SCP2: variants seen among roughly 807,000 people sequenced by gnomAD.
The protein encoded by SCP2 is sterol carrier protein 2.
SCP2 carries 48 observed loss-of-function variants against 71.4 expected under a neutral mutation model. That is an observed-to-expected ratio of 0.67 (90% confidence interval 0.53 to 0.86). The LOEUF is 0.86. Ranked by LOEUF, SCP2 falls within the 40% of genes least tolerant of loss-of-function variation. The pLI, the probability that SCP2 is intolerant of heterozygous loss-of-function variation, is 0.00. For synonymous variants in SCP2, 220 were observed against 218.1 expected (o/e 1.01, Z -0.08); for missense variants, 560 against 655.6 (o/e 0.85, Z 1.59).
intron 6 of SCP2, among the ~76,000 whole-genome samples, chr1:52,966,275 G>A (rs1226385391): frequency 4.6e-5 from 7 of 151,480 alleles, no homozygotes; most frequent in South Asian, 2.1e-4. Context: ...AAAAGTATCC[G>A]TCAGTGTCTA....
rs1193317969 is a variant in SCP2 at position 52,950,894 on chromosome 1, G to A, written c.331+8G>A. On this transcript the variant is annotated splice_region_variant and intron_variant, in intron 4 of 15. Coordinates refer to ENST00000371514, the MANE Select transcript of SCP2 (RefSeq NM_002979.5). ...GCCAGCTGATTCAGGGTGGTAAGGA[G>A]TGCTTGTCTAGTGTACTTAAATATT... 6.2e-7 allele frequency: 1 copy of A among 1,613,564 alleles called. No individual in the cohort carries two copies. Among genetic ancestry groups the A allele is most frequent in the Non-Finnish European group, 8.5e-7 (1 of 1,179,588 alleles).
intron 12 of SCP2, among the ~76,000 whole-genome samples, chr1:53,024,010 C>T (rs902794216): frequency 2.6e-5 from 4 of 152,128 alleles, no homozygotes; most frequent in South Asian, 2.1e-4. Flanking sequence ...TGAGTCTCCT[C>T]GTCCTGTCAC....
intron 12 of SCP2, among the ~76,000 whole-genome samples, chr1:53,027,574 G>A (rs72903137): frequency 6.6e-6 from 1 of 151,904 alleles, no homozygotes; most frequent in South Asian, 2.1e-4. Flanking sequence ...GTGCCATCTC[G>A]GCTCACTGCA....
chr1:53,030,345 G>A (rs934013911), intron 13 of SCP2, among the ~76,000 whole-genome samples: 2 of 152,060 alleles, frequency 1.3e-5, no homozygotes, highest in African/African-American at 4.8e-5. Context: ...TTTAAGCTAT[G>A]ATCAATTTAA....
intron 13 of SCP2, among the ~76,000 whole-genome samples, chr1:53,038,574 T>G (rs1178606487): frequency 6.6e-6 from 1 of 152,038 alleles, no homozygotes; most frequent in African/African-American, 2.4e-5. Context: ...CTGGCTAATT[T>G]TTTTATTTTT....
At chr1:52,943,721 A>G in intron 2 of SCP2, 1 of 457,000 alleles carries the variant, frequency 2.2e-6, no homozygotes, top group Non-Finnish European at 4.3e-6. Flanking sequence ...AATTTGTTGC[A>G]CCAGACGCTG....
intron 8 of SCP2, among the ~76,000 whole-genome samples, chr1:52,977,494 T>C (rs1658083297): frequency 6.6e-6 from 1 of 152,236 alleles, no homozygotes; most frequent in African/African-American, 2.4e-5. Context: ...AAGCTATCTT[T>C]TCCCAGTTTC....
chr1:53,028,897 T>C (rs1662322825), intron 13 of SCP2, among the ~76,000 whole-genome samples: 2 of 152,220 alleles, frequency 1.3e-5, no homozygotes, highest in South Asian at 4.2e-4. Context: ...TTCCTCTGCC[T>C]CCTGAGTAGC....
At chr1:52,987,200 G>A (rs1659081972) in intron 10 of SCP2, among the ~76,000 whole-genome samples, 2 of 151,598 alleles carry the variant, frequency 1.3e-5, no homozygotes, top group Admixed American at 1.3e-4. Context: ...CATCAGCCAT[G>A]GTGCCCTGCC....
chr1:52,967,288 T>C (rs543565795), intron 6 of SCP2, among the ~76,000 whole-genome samples: 1 of 152,196 alleles, frequency 6.6e-6, no homozygotes, highest in African/African-American at 2.4e-5. Flanking sequence ...CCTTGTGAGA[T>C]AATCTGGGCC....
At chr1:52,953,973 C>A (rs1463105232) in intron 4 of SCP2, among the ~76,000 whole-genome samples, 1 of 131,544 alleles carries the variant, frequency 7.6e-6, no homozygotes, top group South Asian at 2.6e-4. Flanking sequence ...CAGAGTGAGA[C>A]ACTGTCTCAA....
chr1:52,995,907 C>T (rs562788564), intron 11 of SCP2: 60 of 1,488,756 alleles, frequency 4.0e-5, no homozygotes, highest in Middle Eastern at 2.5e-4. Context: ...ATGGATGAGA[C>T]GAGAGTTCAA....
chr1:52,956,576 G>A (rs1655811229), intron 5 of SCP2, among the ~76,000 whole-genome samples: 2 of 152,136 alleles, frequency 1.3e-5, no homozygotes, highest in African/African-American at 4.8e-5. Context: ...TTAGGAGTGG[G>A]TAAGGGGAAA....
chr1:53,039,677 C>T (rs1340601839), intron 14 of SCP2, among the ~76,000 whole-genome samples: 2 of 152,210 alleles, frequency 1.3e-5, no homozygotes, highest in African/African-American at 4.8e-5. Context: ...TCCTTGGCCT[C>T]TCTTGATGGT....
intron 11 of SCP2, among the ~76,000 whole-genome samples, chr1:53,010,578 T>C (rs1218810233): frequency 7.8e-6 from 1 of 127,560 alleles, no homozygotes; most frequent in Admixed American, 7.8e-5. Context: ...AATTGAACAA[T>C]GAGAACACTT....
Position 52,954,762 on chromosome 1 carries a change from T to G in SCP2, c.354T>G (p.Ala118=), listed in dbSNP as rs1655642657. Residue 118 remains alanine, a synonymous_variant, in exon 5 of 16, where the codon GCT becomes GCG. Transcript: ENST00000371514. ...AAGGTGTGGCAGAATGTGTCTTGGC[T>G]CTTGGGTTTGAGAAGATGAGTAAGG... is the stretch of plus-strand genomic sequence containing the variant. ...IQGGVAECVL[A]LGFEKMSKGS... 3.1e-6 allele frequency: 5 copies of G among 1,613,930 alleles called. No individual in the cohort carries two copies. The highest frequency in any genetic ancestry group is 3.4e-6 in the Non-Finnish European group (4 of 1,179,816).
intron 13 of SCP2, among the ~76,000 whole-genome samples, chr1:53,030,023 G>A (rs1272346537): frequency 1.3e-5 from 2 of 152,014 alleles, no homozygotes; most frequent in African/African-American, 4.8e-5. Context: ...CGAGTAGCTG[G>A]CATTACAGGC....
chr1:52,988,697 T>G (rs2150187566), intron 11 of SCP2, among the ~76,000 whole-genome samples: 1 of 151,266 alleles, frequency 6.6e-6, no homozygotes, highest in Admixed American at 6.6e-5. Context: ...TCTTTTTTTT[T>G]TTTTTTGAGA....
chr1:53,026,504 T>C (rs886889761), intron 12 of SCP2, among the ~76,000 whole-genome samples: 1 of 152,172 alleles, frequency 6.6e-6, no homozygotes, highest in African/African-American at 2.4e-5. Flanking sequence ...TAGCAAGAAG[T>C]CATTAAATAT....
Sources: allele counts gnomAD v4.1 joint callset (sites outside exome capture counted in the v4.1 genomes callset), GRCh38; gene constraint gnomAD v4.1.1; transcripts MANE v1.5; gene names NCBI Gene and HGNC (gene_info 2026-07-23, HGNC 2026-07-21).